Variants in ZFHX3 observed in about 807,000 individuals in gnomAD.
The protein encoded by ZFHX3 is zinc finger homeobox 3, also known as zinc finger homeobox protein 3.
A neutral mutation model predicts 279.1 loss-of-function variants in ZFHX3; 42 were observed. The observed-to-expected ratio is 0.15, with a 90% CI of 0.12 to 0.19. The LOEUF is 0.19. Ranked by LOEUF, ZFHX3 falls within the 10% of genes least tolerant of loss-of-function variation. The pLI is 1.00. For missense variants in ZFHX3, 4,981 were observed against 4,754.0 expected, an observed-to-expected ratio of 1.05 and a Z score of -1.40; for synonymous variants, 2,293 against 1,957.8, an observed-to-expected ratio of 1.17 and a Z score of -4.52.
chr16:73,176,555 G>A (rs957752835), intron 5 of ZFHX3, among the ~76,000 whole-genome samples: 9 of 151,478 alleles, frequency 5.9e-5, no homozygotes, highest in African/African-American at 2.2e-4. Context: ...GATGGAAAAT[G>A]CCCTCGGCTG....
intron 1 of ZFHX3, among the ~76,000 whole-genome samples, chr16:73,868,501 G>A (rs867016870): frequency 1.1e-4 from 17 of 152,238 alleles, no homozygotes; most frequent in African/African-American, 7.2e-5. Flanking sequence ...TCCAGCCTGG[G>A]CAACAGAGCA....
chr16:73,882,303 G>A (rs2030194378), intron 1 of ZFHX3, among the ~76,000 whole-genome samples: 1 of 151,972 alleles, frequency 6.6e-6, no homozygotes, highest in South Asian at 2.1e-4. Context: ...GCTGGAGTTG[G>A]ACTAGTGATG....
chr16:73,889,696 G>A (rs1470525086), intron 1 of ZFHX3, among the ~76,000 whole-genome samples: 1 of 152,144 alleles, frequency 6.6e-6, no homozygotes, highest in African/African-American at 2.4e-5. Context: ...CCCAGTGTAT[G>A]GGTTAATTCT....
chr16:73,612,384 T>C (rs1230689060), intron 2 of ZFHX3, among the ~76,000 whole-genome samples: 1 of 152,212 alleles, frequency 6.6e-6, no homozygotes. Flanking sequence ...AACGCTGCCA[T>C]GACCTTAACT....
At chr16:73,059,863 A>G (rs1267764338), upstream of ZFHX3, among the ~76,000 whole-genome samples, 1 of 152,122 alleles carries the variant, frequency 6.6e-6, no homozygotes, top group Non-Finnish European at 1.5e-5. Context: ...CTGGTTCTTT[A>G]GAAGGAGAGA....
At chr16:72,926,691 G>A (rs1350412177) in intron 3 of ZFHX3, among the ~76,000 whole-genome samples, 1 of 152,176 alleles carries the variant, frequency 6.6e-6, no homozygotes, top group Non-Finnish European at 1.5e-5. Context: ...CTGTAAATCA[G>A]CCAAATTCCA....
chr16:72,996,136 G>A (rs994316048), intron 1 of ZFHX3, among the ~76,000 whole-genome samples: 5 of 149,892 alleles, frequency 3.3e-5, no homozygotes, highest in Middle Eastern at 3.2e-3. Context: ...ACACACACAC[G>A]AGCCGGGCAT....
intron 1 of ZFHX3, among the ~76,000 whole-genome samples, chr16:73,840,424 G>A (rs1350370280): frequency 6.6e-6 from 1 of 152,152 alleles, no homozygotes. Context: ...CTTTAAAGAT[G>A]GCCTGGATGT....
At chr16:73,231,059 G>A (rs1020507786) in intron 5 of ZFHX3, among the ~76,000 whole-genome samples, 3 of 152,176 alleles carry the variant, frequency 2.0e-5, no homozygotes, top group African/African-American at 4.8e-5. Flanking sequence ...TTGCAAAAAC[G>A]GAGTGAATGG....
intron 1 of ZFHX3, among the ~76,000 whole-genome samples, chr16:73,803,792 G>C (rs972149697): frequency 3.9e-5 from 6 of 152,264 alleles, no homozygotes; most frequent in Admixed American, 3.9e-4. Context: ...GTTTTATAAA[G>C]TAAAATAAAA....
At chr16:72,944,379 C>T (rs943403210) in intron 3 of ZFHX3, among the ~76,000 whole-genome samples, 1 of 152,182 alleles carries the variant, frequency 6.6e-6, no homozygotes, top group African/African-American at 2.4e-5. Flanking sequence ...TACATACACA[C>T]ATGCATTTTC....
At chr16:73,679,103 TAA>T (rs2052984295) in intron 2 of ZFHX3, among the ~76,000 whole-genome samples, 2 of 149,374 alleles carry the variant, frequency 1.3e-5, no homozygotes. Flanking sequence ...GTGAAAGTCA[TAA>T]GTCAATCCCT....
Position 73,807,208 on chromosome 16 carries a change from T to C in ZFHX3, c.-1608+84443A>G, listed in dbSNP as rs137910798. Among the ~76,000 whole-genome samples the C allele has an allele frequency of 9.2e-3, 1,402 of 152,202 alleles. 18 individuals are homozygous for C. Among genetic ancestry groups the C allele is most frequent in the African/African-American group, 0.031 (1,307 of 41,528 alleles). On this transcript the variant is annotated intron_variant, in intron 1 of 17. Transcript: ENST00000641206. ...CATAGAAGTTACCCCAGAAGTTGAGTTGTGTGAATACATCATTTTTCATTA... is the reference window on the plus strand; with the variant it reads ...CATAGAAGTTACCCCAGAAGTTGAGCTGTGTGAATACATCATTTTTCATTA...
chr16:73,209,175 T>C (rs753038252), intron 5 of ZFHX3, among the ~76,000 whole-genome samples: 11 of 152,152 alleles, frequency 7.2e-5, no homozygotes, highest in Non-Finnish European at 1.6e-4. Context: ...AATGGAGAAA[T>C]ATTTTAAAAA....
At chr16:73,553,580 T>A (rs2020233738) in intron 2 of ZFHX3, among the ~76,000 whole-genome samples, 1 of 152,206 alleles carries the variant, frequency 6.6e-6, no homozygotes, top group Non-Finnish European at 1.5e-5. Context: ...CATTTTCCAA[T>A]ATAGTCCAAA....
intron 1 of ZFHX3, among the ~76,000 whole-genome samples, chr16:73,878,452 C>T (rs949892562): frequency 6.6e-6 from 1 of 152,074 alleles, no homozygotes; most frequent in African/African-American, 2.4e-5. Flanking sequence ...CTTCTCTTCA[C>T]AACGACACTA....
At chr16:72,936,843 G>A (rs575054592) in intron 3 of ZFHX3, among the ~76,000 whole-genome samples, 26 of 152,280 alleles carry the variant, frequency 1.7e-4, no homozygotes, top group African/African-American at 6.3e-4. Context: ...TGTATGGAGA[G>A]GGGATTGTAA....
chr16:72,906,501 C>T (rs929447982), intron 3 of ZFHX3, among the ~76,000 whole-genome samples: 3 of 151,932 alleles, frequency 2.0e-5, no homozygotes, highest in South Asian at 2.1e-4. Context: ...CAGAAAACTG[C>T]ACCAAAAAAG....
At chr16:73,638,124 A>G (rs771245934) in intron 2 of ZFHX3, among the ~76,000 whole-genome samples, 19 of 152,222 alleles carry the variant, frequency 1.2e-4, no homozygotes, top group Non-Finnish European at 2.5e-4. Flanking sequence ...ATATCCTTCA[A>G]GAGTCACAAA....
Sources: allele counts gnomAD v4.1 joint callset (sites outside exome capture counted in the v4.1 genomes callset), GRCh38; gene constraint gnomAD v4.1.1; transcripts MANE v1.5; gene names NCBI Gene and HGNC (gene_info 2026-07-23, HGNC 2026-07-21).